SRMS: variants seen among roughly 807,000 people sequenced by gnomAD.
SRMS encodes the protein tyrosine-protein kinase Srms.
Under a neutral mutation model 43.5 loss-of-function variants are expected in SRMS, and 42 were observed. That is an observed-to-expected ratio of 0.97 (90% CI 0.75 to 1.25). The LOEUF is 1.25. SRMS is among the 50% of genes most tolerant of loss of function. The probability of loss-of-function intolerance (pLI) is 0.00; values close to 1 mark genes in which losing one functional copy is unlikely to be tolerated. For missense variants in SRMS, 703 were observed against 681.0 expected, an observed-to-expected ratio of 1.03 and a Z score of -0.36; for synonymous variants, 316 against 308.2, an observed-to-expected ratio of 1.03 and a Z score of -0.27.
chr20:63,544,833 G>A (rs893501287), intron 1 of SRMS, among the ~76,000 whole-genome samples: 2 of 152,214 alleles, frequency 1.3e-5, no homozygotes, highest in Non-Finnish European at 2.9e-5. Context: ...AGTGGAGGGG[G>A]CCCATGCAAG....
intron 1 of SRMS, among the ~76,000 whole-genome samples, chr20:63,546,621 T>A (rs929089757): frequency 1.5e-5 from 2 of 133,134 alleles, no homozygotes; most frequent in Non-Finnish European, 3.0e-5. Flanking sequence ...CACCCAGAGT[T>A]CCTGGAGCAT....
Position 63,539,377 on chromosome 20 carries a change from C to A in SRMS, c.*1441G>T, listed in dbSNP as rs1003393696. On this transcript the variant is annotated 3_prime_UTR_variant, in exon 8 of 8. Coordinates refer to ENST00000217188, the MANE Select transcript of SRMS (RefSeq NM_080823.4). ...TGCACACGGGAGTCTCATCTCTTAG[C>A]TCCCTCCTGAGCCAGGCTTTGGCCG... 3.9e-5 allele frequency among the ~76,000 whole-genome samples: 6 copies of A among 152,364 alleles called. No individual in the cohort carries two copies. Among genetic ancestry groups the A allele is most frequent in the Admixed American group, 3.9e-4 (6 of 15,312 alleles).
chr20:63,546,673 T>C (rs2082733174), intron 1 of SRMS, among the ~76,000 whole-genome samples: 1 of 148,580 alleles, frequency 6.7e-6, no homozygotes, highest in Non-Finnish European at 1.5e-5. Flanking sequence ...CCTGCTCACC[T>C]GCCGTCACCC....
chr20:63,540,978 A>C lies in SRMS; in HGVS notation c.1307T>G (p.Leu436Arg). ...PYEGMTNHET[L>R]QQIMRGYRLP... ...CCGGTACCCTCGCATGATCTGCTGC[A>C]GCGTCTCGTGGTTGGTCATCCCTGG... Residue 436 changes from leucine (L) to arginine (R), a missense_variant, in exon 8 of 8, where the codon CTG (leucine) becomes CGG (arginine). Coordinates refer to ENST00000217188, the MANE Select transcript of SRMS (RefSeq NM_080823.4). 1.9e-6 allele frequency: 3 copies of C among 1,608,884 alleles called. No individual in the cohort carries two copies. The highest frequency in any genetic ancestry group is 3.3e-5 in the Admixed American group (2 of 59,948).
At position 63,547,510 on chromosome 20, in the gene SRMS, GC is replaced by G. The variant is rs1414742733; in HGVS notation, c.-48del. 96 of 1,424,476 alleles carry G rather than the reference GC, an allele frequency of 6.7e-5. 1 individual carries two copies. The East Asian group carries it at 2.6e-3, about 39-fold the overall frequency. 88.2% of individuals were successfully genotyped at this position (1,424,476 alleles called of 1,614,324 possible). ...GCCCGAGGGCCATGGGAGCCCGCGA[GC>G]CCGGAAGAGGAACTGGCAGGGCCGG... On this transcript the variant is annotated 5_prime_UTR_variant, in exon 1 of 8. Coordinates refer to ENST00000217188, the MANE Select transcript of SRMS (RefSeq NM_080823.4).
chr20:63,541,608 C>A lies in SRMS; in HGVS notation c.959G>T (p.Arg320Leu). ...LQAFLGTPEG[R>L]ALRLPPLLGF... is the part of the protein sequence containing the mutation. ...CAGGAGTGGCGGCAGACGCAGGGCC[C>A]GGCCCTCGGGGGCTGCAGGAGACAG... Residue 320 changes from arginine (R) to leucine (L), a missense_variant, in exon 6 of 8, where the codon CGG (arginine) becomes CTG (leucine). Coordinates refer to ENST00000217188, the MANE Select transcript of SRMS (RefSeq NM_080823.4). 3 of 1,551,626 alleles carry A rather than the reference C, an allele frequency of 1.9e-6. No homozygotes were observed. Among genetic ancestry groups the A allele is most frequent in the Non-Finnish European group, 1.7e-6 (2 of 1,154,410 alleles).
In SRMS at chr20:63,542,919, C is replaced by G. The variant is rs975221030; in HGVS notation, c.646-338G>C. ...GGTGGCTCACATCGGGGACAGTCCCCGGGATCCAGTGTCTCCAGCCCAGGT... is the reference window on the plus strand; with the variant it reads ...GGTGGCTCACATCGGGGACAGTCCCGGGGATCCAGTGTCTCCAGCCCAGGT... On this transcript the variant is annotated intron_variant, in intron 3 of 7. Coordinates refer to ENST00000217188, the MANE Select transcript of SRMS (RefSeq NM_080823.4). Among the ~76,000 whole-genome samples, 11 of 152,310 alleles carry G rather than the reference C, an allele frequency of 7.2e-5. No homozygotes were observed. In the East Asian group the frequency reaches 1.4e-3, roughly 19 times the overall value.
rs1171235434 is a variant in SRMS at position 63,547,393 on chromosome 20, C to T, written c.71G>A (p.Gly24Asp). 6.4e-7 allele frequency: 1 copy of T among 1,556,620 alleles called. No individual in the cohort carries two copies. The highest frequency in any genetic ancestry group is 8.7e-7 in the Non-Finnish European group (1 of 1,150,444). Residue 24 changes from glycine (G) to aspartate (D), a missense_variant, in exon 1 of 8, where the codon GGC becomes GAC. Gly to Asp is a moderately conservative substitution (Grantham distance 94, BLOSUM62 -1). Transcript: ENST00000217188. ...CCCGGGGGTGCCATGGTCCGGCTCG[C>T]CGCCCGCCGGCCAGATCTTGTCCCA... ...FFWDKIWPAG[G>D]EPDHGTPGSL... is the part of the protein sequence containing the mutation.
intron 1 of SRMS, among the ~76,000 whole-genome samples, chr20:63,544,659 G>A (rs1477120154): frequency 6.6e-6 from 1 of 152,266 alleles, no homozygotes; most frequent in Non-Finnish European, 1.5e-5. Flanking sequence ...GTCAGCCCTG[G>A]CCATGGGCCA....
chr20:63,539,025 C>G lies in SRMS; in HGVS notation c.*1793G>C, dbSNP rs1004738383. ...TGGCGGCTGCAGAGAGCACAGAGGG[C>G]GAGGCCTTCTGTGCCAGAGGAGCCC... On this transcript the variant is annotated 3_prime_UTR_variant, in exon 8 of 8. Coordinates refer to ENST00000217188, the MANE Select transcript of SRMS (RefSeq NM_080823.4). Among the ~76,000 whole-genome samples the G allele has an allele frequency of 6.6e-6, 1 of 152,106 alleles. No individual in the cohort carries two copies. The highest frequency in any genetic ancestry group is 2.4e-5 in the African/African-American group (1 of 41,412).
rs1004822928 is a variant in SRMS, at chr20:63,542,622, C to A, written c.646-41G>T. The A allele has an allele frequency of 2.5e-6, 4 of 1,571,692 alleles. No homozygotes were observed. The African/African-American group carries it at 5.4e-5, about 21-fold the overall frequency. ...GCAGGGAGGCTGGTCAGCGTGGGCC[C>A]CTGTGCTCTGTCCCAGGCACAGCCC... On this transcript the variant is annotated intron_variant, in intron 3 of 7. Coordinates refer to ENST00000217188, the MANE Select transcript of SRMS (RefSeq NM_080823.4).
At position 63,541,433 on chromosome 20, in the gene SRMS, G is replaced by A. The variant is rs73622823; in HGVS notation, c.1128+6C>T. 78 of 1,596,330 alleles carry A rather than the reference G, an allele frequency of 4.9e-5. No homozygotes were observed. The East Asian group carries it at 6.3e-4, about 13-fold the overall frequency. On this transcript the variant is annotated splice_donor_region_variant and intron_variant, in intron 6 of 7. Coordinates refer to ENST00000217188, the MANE Select transcript of SRMS (RefSeq NM_080823.4). ...TCTGGGTCAGGGGCCCAGAGCCTCC[G>A]CTGACCTTGAGCAGCCGGGCCAGGC...
At chr20:63,543,697 G>A in intron 2 of SRMS, 9 of 578,158 alleles carry the variant, frequency 1.6e-5, no homozygotes, top group Non-Finnish European at 2.7e-5. Context: ...TCTGCTGACG[G>A]TGTGCACAGA....
chr20:63,542,708 G>A, intron 3 of SRMS, 127 bp from the exon 4 acceptor site: 1 of 1,219,862 alleles, frequency 8.2e-7, no homozygotes, highest in Non-Finnish European at 1.1e-6. Flanking sequence ...CACCCTGGCT[G>A]GGACAAAGGG....
chr20:63,543,624 G>A, intron 2 of SRMS, 144 bp from the exon 3 acceptor site: 1 of 1,035,542 alleles, frequency 9.7e-7, no homozygotes, highest in Non-Finnish European at 1.4e-6. Context: ...GCTGTGTGGA[G>A]GAGGGAGTGT....
At position 63,539,619 on chromosome 20, in the gene SRMS, C is replaced by T. The variant is rs965062563; in HGVS notation, c.*1199G>A. Among the ~76,000 whole-genome samples the T allele has an allele frequency of 1.6e-4, 24 of 152,184 alleles. No homozygotes were observed. The highest frequency in any genetic ancestry group is 5.1e-4 in the African/African-American group (21 of 41,436). ...CCCCACCGGCCCCCTTGCTTCTTGA[C>T]GTGTTTCACGAAGACCTGAGCAGAA... On this transcript the variant is annotated 3_prime_UTR_variant, in exon 8 of 8. Transcript: ENST00000217188.
At chr20:63,541,928 G>T (rs1421628598) in intron 5 of SRMS, among the ~76,000 whole-genome samples, 1 of 151,262 alleles carries the variant, frequency 6.6e-6, no homozygotes. Flanking sequence ...GCCCCCCACC[G>T]CCCCCGAACA....
Position 63,540,944 on chromosome 20 carries a change from G to C in SRMS, c.1341C>G (p.Arg447=). The C allele has an allele frequency of 6.2e-7, 1 of 1,607,470 alleles. No individual in the cohort carries two copies. Among genetic ancestry groups the C allele is most frequent in the Non-Finnish European group, 8.5e-7 (1 of 1,179,528 alleles). The change falls in exon 8 of 8, where the codon CGC becomes CGG. Residue 447 remains arginine, a synonymous_variant. Coordinates refer to ENST00000217188, the MANE Select transcript of SRMS (RefSeq NM_080823.4). ...QQIMRGYRLP[R]PAACPAEVYV... is the part of the protein sequence containing the mutation. ...AGACCTCCGCCGGGCAGGCAGCCGG[G>C]CGCGGCAGCCGGTACCCTCGCATGA...
chr20:63,541,978 C>T (rs1308566756), intron 5 of SRMS, among the ~76,000 whole-genome samples, 185 bp downstream of exon 5: 1 of 152,250 alleles, frequency 6.6e-6, no homozygotes, highest in Non-Finnish European at 1.5e-5. Context: ...TGGCCTGGCC[C>T]AGACCTGACG....
Sources: allele counts gnomAD v4.1 joint callset (sites outside exome capture counted in the v4.1 genomes callset), GRCh38; gene constraint gnomAD v4.1.1; transcripts MANE v1.5; gene names NCBI Gene and HGNC (gene_info 2026-07-23, HGNC 2026-07-21).